The following ATAD3B variants were observed in gnomAD, a reference collection of about 807,000 sequenced individuals.
ATAD3B encodes the protein ATPase family AAA domain-containing protein 3B.
ATAD3B carries 59 observed loss-of-function variants against 70.2 expected under a neutral mutation model. That is an observed-to-expected ratio of 0.84 (90% CI 0.68 to 1.04). ATAD3B has a LOEUF of 1.04. ATAD3B is among the 50% of genes least tolerant of loss of function. The pLI is 0.00. For synonymous variants in ATAD3B, 423 were observed against 388.6 expected (o/e 1.09, Z -1.04); for missense variants, 961 against 913.4 (o/e 1.05, Z -0.67).
rs901207010 is a variant in ATAD3B, at chr1:1,496,029, G to C, written c.*212G>C. 20 of 1,323,330 alleles carry C rather than the reference G, an allele frequency of 1.5e-5. No individual in the cohort carries two copies. Among genetic ancestry groups the C allele is most frequent in the Admixed American group, 3.3e-5 (1 of 30,152 alleles). 82.0% of individuals were successfully genotyped at this position (1,323,330 alleles called of 1,614,324 possible). On this transcript the variant is annotated 3_prime_UTR_variant, in exon 16 of 16. Coordinates refer to ENST00000673477, the MANE Select transcript of ATAD3B (RefSeq NM_031921.6). ...CGGCTCCCACAGCAGAGCCAGGTGA[G>C]GGGGGGCCTGCCAGGACTAGACAGA...
At chr1:1,500,523 GT>G (rs1333890685), downstream of ATAD3B, among the ~76,000 whole-genome samples, 2,711 of 146,596 alleles carry the variant, frequency 0.018, 44 homozygotes, top group Admixed American at 0.034. Context: ...CTGCCCTCCA[GT>G]CTCTGGGGGA....
chr1:1,505,830 TATTC>T, the ATAD3B span, among the ~76,000 whole-genome samples: 1 of 152,242 alleles, frequency 6.6e-6, no homozygotes. Flanking sequence ...TGATGAATGA[TATTC>T]ATATATAATC....
At chr1:1,507,510 T>C in the ATAD3B span, among the ~76,000 whole-genome samples, 1 of 152,232 alleles carries the variant, frequency 6.6e-6, no homozygotes, top group Non-Finnish European at 1.5e-5. Flanking sequence ...ATGATTTTCG[T>C]ATGAACTATC....
At chr1:1,481,686 G>A (rs932755920) in intron 5 of ATAD3B, among the ~76,000 whole-genome samples, 87 of 143,046 alleles carry the variant, frequency 6.1e-4, no homozygotes, top group Middle Eastern at 3.5e-3. Context: ...CTGTGTGAGG[G>A]GGGCTTCCTT....
At chr1:1,505,484 A>C in the ATAD3B span, among the ~76,000 whole-genome samples, 3 of 152,158 alleles carry the variant, frequency 2.0e-5, no homozygotes, top group African/African-American at 7.2e-5. Context: ...CAAGAGGTGG[A>C]GGAGTAGAGT....
At chr1:1,486,479 A>T (rs1640223711) in intron 10 of ATAD3B, 65 bp from the exon 11 acceptor site, 1 of 1,610,880 alleles carries the variant, frequency 6.2e-7, no homozygotes, top group Non-Finnish European at 8.5e-7. Context: ...CTCCAGGTGG[A>T]GTGTGCAGGC....
intron 11 of ATAD3B, 35 bp from the exon 12 acceptor site, chr1:1,487,828 A>C: frequency 6.2e-7 from 1 of 1,610,400 alleles, no homozygotes. Flanking sequence ...TCCTGGCGTC[A>C]CTCTCGCCTT....
chr1:1,480,776 T>C (rs1639869324), intron 4 of ATAD3B, 91 bp from the exon 5 acceptor site: 17 of 1,570,120 alleles, frequency 1.1e-5, no homozygotes, highest in Non-Finnish European at 1.4e-5. Context: ...CTTGGAGTTC[T>C]GTGGTCCTGG....
At position 1,480,311 on chromosome 1, in the gene ATAD3B, G is replaced by A. The variant is rs780893311; in HGVS notation, c.445-556G>A. On this transcript the variant is annotated intron_variant, in intron 4 of 15. Coordinates refer to ENST00000673477, the MANE Select transcript of ATAD3B (RefSeq NM_031921.6). ...CCCCTTGTGTGGGTTCCACAGCAGC[G>A]GCTCTCCAGGCACGACAAGCCTCCT... is the stretch of plus-strand genomic sequence containing the variant. Among the ~76,000 whole-genome samples the A allele has an allele frequency of 2.8e-3, 407 of 145,236 alleles. 36 individuals are homozygous for A. The highest frequency in any genetic ancestry group is 4.6e-3 in the Non-Finnish European group (304 of 66,632).
chr1:1,481,706 G>A (rs891158440), intron 5 of ATAD3B, among the ~76,000 whole-genome samples: 3 of 146,870 alleles, frequency 2.0e-5, no homozygotes, highest in African/African-American at 7.6e-5. Context: ...TCAGAACTCC[G>A]CGTTCTGGTT....
chr1:1,482,599 C>T lies in ATAD3B; in HGVS notation c.735C>T (p.Asp245=). 5.6e-6 allele frequency: 9 copies of T among 1,613,364 alleles called. No homozygotes were observed. Among genetic ancestry groups the T allele is most frequent in the East Asian group, 4.5e-5 (2 of 44,870 alleles). The change falls in exon 7 of 16, where the codon GAC becomes GAT. Residue 245 remains aspartate, a synonymous_variant. Transcript: ENST00000673477. Reference sequence around the variant, plus strand: ...TCCGTGCCTTTGTGACAGACCGGGACAAAGTGACAGCCACGGTAAACATAT... The same window carrying T: ...TCCGTGCCTTTGTGACAGACCGGGATAAAGTGACAGCCACGGTAAACATAT... ...EGFRAFVTDR[D]KVTATVAGLT...
chr1:1,480,170 C>T (rs1313333939), intron 4 of ATAD3B, among the ~76,000 whole-genome samples: 1 of 141,984 alleles, frequency 7.0e-6, no homozygotes, highest in Non-Finnish European at 1.5e-5. Context: ...CACGCACCTG[C>T]ACACGAGGGC....
intron 4 of ATAD3B, 90 bp from the exon 5 acceptor site, chr1:1,480,777 G>A: frequency 6.4e-7 from 1 of 1,570,600 alleles, no homozygotes. Flanking sequence ...TTGGAGTTCT[G>A]TGGTCCTGGG....
chr1:1,494,731 G>C (rs1254091393), intron 15 of ATAD3B, among the ~76,000 whole-genome samples: 1 of 151,942 alleles, frequency 6.6e-6, no homozygotes, highest in Non-Finnish European at 1.5e-5. Context: ...GCTGGGACGG[G>C]GCGAGGGACC....
At chr1:1,502,809 G>T (rs1640974549), downstream of ATAD3B, among the ~76,000 whole-genome samples, 1 of 151,540 alleles carries the variant, frequency 6.6e-6, no homozygotes, top group African/African-American at 2.4e-5. Context: ...ACCGCACCCG[G>T]CCTACACTGA....
At chr1:1,479,683 T>G (rs1153104) in intron 4 of ATAD3B, among the ~76,000 whole-genome samples, 34,861 of 136,256 alleles carry the variant, frequency 0.26, 11,686 homozygotes, top group African/African-American at 0.71. Context: ...ACATGGGTCC[T>G]CAGGCACACA....
intron 15 of ATAD3B, among the ~76,000 whole-genome samples, chr1:1,494,600 A>G (rs1021430095): frequency 5.9e-5 from 9 of 151,784 alleles, no homozygotes; most frequent in Admixed American, 3.3e-4. Context: ...GCGCTGGCAG[A>G]GGGGACGGGC....
In ATAD3B at chr1:1,495,946, G is replaced by T; in HGVS notation, c.*129G>T. The T allele has an allele frequency of 7.1e-7, 1 of 1,409,714 alleles. No homozygotes were observed. The highest frequency in any genetic ancestry group is 9.2e-7 in the Non-Finnish European group (1 of 1,084,580). 87.3% of individuals were successfully genotyped at this position (1,409,714 alleles called of 1,614,324 possible). A position where few individuals can be genotyped will look rare whatever the true frequency, so the allele number is the denominator to read the frequency against. On this transcript the variant is annotated 3_prime_UTR_variant, in exon 16 of 16. Transcript: ENST00000673477. ...AGCCCCTGCCCAGGCCACTGTGAGGGTGGGTGCTGGCTGAGCCCCTGGGGC... is the reference window on the plus strand; with the variant it reads ...AGCCCCTGCCCAGGCCACTGTGAGGTTGGGTGCTGGCTGAGCCCCTGGGGC...
chr1:1,494,413 C>T (rs1005094384), intron 15 of ATAD3B, among the ~76,000 whole-genome samples: 5 of 151,070 alleles, frequency 3.3e-5, no homozygotes, highest in Non-Finnish European at 7.4e-5. Context: ...AGTCCTGGGC[C>T]CCTGAGCCAC....
Sources: allele counts gnomAD v4.1 joint callset (sites outside exome capture counted in the v4.1 genomes callset), GRCh38; gene constraint gnomAD v4.1.1; transcripts MANE v1.5; gene names NCBI Gene and HGNC (gene_info 2026-07-23, HGNC 2026-07-21).